PTH2R: variants seen among roughly 807,000 people sequenced by gnomAD.
The protein encoded by PTH2R is PTH2 receptor.
A neutral mutation model predicts 60.3 loss-of-function variants in PTH2R; 59 were observed. That is an observed-to-expected ratio of 0.98 (90% confidence interval 0.79 to 1.22). PTH2R has a LOEUF of 1.22. Ranked by LOEUF, PTH2R falls within the 50% of genes most tolerant of loss-of-function variation. The pLI is 0.00. For missense variants in PTH2R, 749 were observed against 682.6 expected (o/e 1.10, Z -1.08); for synonymous variants, 256 against 243.8 (o/e 1.05, Z -0.47).
chr2:208,395,341 C>T (rs558305812), intron 1 of PTH2R, among the ~76,000 whole-genome samples: 6 of 152,106 alleles, frequency 3.9e-5, no homozygotes, highest in South Asian at 2.1e-4. Flanking sequence ...CCACCACGCC[C>T]GGCCGAGTCT....
chr2:208,378,751 C>T (rs1413489061), intron 1 of PTH2R, among the ~76,000 whole-genome samples: 1 of 152,128 alleles, frequency 6.6e-6, no homozygotes, highest in Admixed American at 6.5e-5. Context: ...TAAATGTTTG[C>T]TGTTTAAGTC....
intron 1 of PTH2R, among the ~76,000 whole-genome samples, chr2:208,367,501 A>T (rs1488723684): frequency 1.4e-5 from 2 of 146,990 alleles, no homozygotes; most frequent in African/African-American, 5.0e-5. Flanking sequence ...GCTCACTGCA[A>T]CCTCCGCCTC....
chr2:208,388,215 G>A (rs1199449684), intron 1 of PTH2R, among the ~76,000 whole-genome samples: 1 of 151,906 alleles, frequency 6.6e-6, no homozygotes, highest in Non-Finnish European at 1.5e-5. Context: ...TACTCGGGAG[G>A]CTGAGGCAGG....
chr2:208,458,536 T>C (rs1702561346), intron 8 of PTH2R, among the ~76,000 whole-genome samples: 1 of 152,128 alleles, frequency 6.6e-6, no homozygotes, highest in African/African-American at 2.4e-5. Context: ...TACATAATAT[T>C]ACATCACCCA....
intron 1 of PTH2R, among the ~76,000 whole-genome samples, chr2:208,382,481 G>A (rs2125877222): frequency 6.6e-6 from 1 of 151,206 alleles, no homozygotes; most frequent in African/African-American, 2.5e-5. Context: ...CAACCTAAGA[G>A]AATCTAATAA....
chr2:208,466,905 C>G (rs978649822), intron 9 of PTH2R, among the ~76,000 whole-genome samples: 4 of 152,128 alleles, frequency 2.6e-5, no homozygotes, highest in African/African-American at 7.2e-5. Flanking sequence ...TGCAATCCTG[C>G]TTGTTAATTT....
intron 2 of PTH2R, among the ~76,000 whole-genome samples, chr2:208,430,801 G>A (rs1701956461): frequency 6.6e-6 from 1 of 151,928 alleles, no homozygotes; most frequent in African/African-American, 2.4e-5. Flanking sequence ...TCCCGACCTC[G>A]TGATCTGCCT....
chr2:208,477,953 C>T (rs374101395), intron 9 of PTH2R, among the ~76,000 whole-genome samples: 1,576 of 29,824 alleles, frequency 0.053, 33 homozygotes, highest in African/African-American at 0.091. Context: ...GTAGTACTAG[C>T]ACTACTACTA....
At chr2:208,370,670 A>G (rs1700683873) in intron 1 of PTH2R, among the ~76,000 whole-genome samples, 1 of 151,930 alleles carries the variant, frequency 6.6e-6, no homozygotes, top group African/African-American at 2.4e-5. Flanking sequence ...AGTCTTTTCT[A>G]CATAGGAAAT....
At chr2:208,432,351 T>C (rs961673096) in intron 2 of PTH2R, among the ~76,000 whole-genome samples, 1 of 152,182 alleles carries the variant, frequency 6.6e-6, no homozygotes, top group Non-Finnish European at 1.5e-5. Flanking sequence ...GGATGGTGTA[T>C]AATTTTAACA....
intron 9 of PTH2R, among the ~76,000 whole-genome samples, chr2:208,465,242 C>G: frequency 6.6e-6 from 1 of 152,212 alleles, no homozygotes; most frequent in East Asian, 1.9e-4. Context: ...TCCCATAGTG[C>G]TGGTATTACA....
chr2:208,396,776 T>C (rs1299251806), intron 1 of PTH2R, among the ~76,000 whole-genome samples: 4 of 152,130 alleles, frequency 2.6e-5, no homozygotes, highest in Non-Finnish European at 5.9e-5. Flanking sequence ...GAACTAGAAA[T>C]ACCATTTGAC....
chr2:208,452,753 A>T (rs1367057152), intron 8 of PTH2R, among the ~76,000 whole-genome samples: 1 of 152,240 alleles, frequency 6.6e-6, no homozygotes, highest in African/African-American at 2.4e-5. Flanking sequence ...TGCTGATCAC[A>T]TTCCAGGTAC....
rs569579736 is a variant in PTH2R at position 208,437,127 on chromosome 2, G to A, written c.179-410G>A. 2.6e-5 allele frequency among the ~76,000 whole-genome samples: 4 copies of A among 152,308 alleles called. No individual in the cohort carries two copies. The East Asian group carries it at 7.7e-4, about 29-fold the overall frequency. On this transcript the variant is annotated intron_variant, in intron 2 of 12. Transcript: ENST00000272847. ...GAGTCTTGCGGCTTGCCAGTGAAGT[G>A]CGCTGCTTCAGGTGTTATGATCTTT...
chr2:208,461,845 G>A (rs1356495075), intron 9 of PTH2R, among the ~76,000 whole-genome samples: 3 of 152,198 alleles, frequency 2.0e-5, no homozygotes, highest in East Asian at 1.9e-4. Context: ...ATGTGAAACA[G>A]TAAAGCTAGG....
intron 9 of PTH2R, among the ~76,000 whole-genome samples, chr2:208,467,999 C>G (rs1408119890): frequency 6.6e-6 from 1 of 152,120 alleles, no homozygotes; most frequent in African/African-American, 2.4e-5. Flanking sequence ...GGCCTCACAC[C>G]GTCTCCTATG....
chr2:208,488,831 C>G (rs1482760087), intron 10 of PTH2R, among the ~76,000 whole-genome samples, 181 bp from the exon 11 acceptor site: 1 of 152,152 alleles, frequency 6.6e-6, no homozygotes, highest in Non-Finnish European at 1.5e-5. Context: ...AAGCTGTGAT[C>G]ACGCCACTGT....
chr2:208,479,533 A>G (rs1481274995), intron 9 of PTH2R, among the ~76,000 whole-genome samples: 2 of 152,210 alleles, frequency 1.3e-5, no homozygotes, highest in Non-Finnish European at 2.9e-5. Flanking sequence ...TGGGGCATGA[A>G]ATAAATCTTG....
chr2:208,366,836 G>T (rs1309713877), intron 1 of PTH2R, among the ~76,000 whole-genome samples: 4 of 152,162 alleles, frequency 2.6e-5, no homozygotes, highest in Non-Finnish European at 5.9e-5. Flanking sequence ...TAACCAGACC[G>T]TAGCTTACAC....
Sources: gnomAD v4.1 joint callset for allele counts (sites outside exome capture counted in the v4.1 genomes callset) on GRCh38, gnomAD v4.1.1 for gene constraint, MANE v1.5 for transcripts, NCBI Gene and HGNC (gene_info 2026-07-23, HGNC 2026-07-21) for gene names.